The following NSMAF variants were observed in gnomAD, a reference collection of about 807,000 sequenced individuals.
NSMAF encodes protein FAN.
Under a neutral mutation model 134.9 loss-of-function variants are expected in NSMAF, and 90 were observed. The ratio of observed to expected loss-of-function variants is 0.67; its 90% CI spans 0.56 to 0.79. NSMAF has a LOEUF of 0.79. Among genes scored for constraint, NSMAF ranks in the 30% least tolerant of loss-of-function variants. The pLI, the probability that NSMAF is intolerant of heterozygous loss-of-function variation, is 0.00. For missense variants in NSMAF, 1,010 were observed against 1,119.0 expected, an observed-to-expected ratio of 0.90 and a Z score of 1.39; for synonymous variants, 358 against 389.6, an observed-to-expected ratio of 0.92 and a Z score of 0.96.
At chr8:58,654,561 AAAAG>A (rs1204600417) in intron 1 of NSMAF, among the ~76,000 whole-genome samples, 1 of 152,202 alleles carries the variant, frequency 6.6e-6, no homozygotes, top group East Asian at 1.9e-4. Context: ...AAAAAAGAAA[AAAAG>A]AAAGAAAGTT....
intron 6 of NSMAF, among the ~76,000 whole-genome samples, chr8:58,625,493 A>T (rs1806909037): frequency 6.6e-6 from 1 of 152,184 alleles, no homozygotes; most frequent in Admixed American, 6.5e-5. Context: ...ATGCATTTGT[A>T]ATTATTTATC....
At chr8:58,617,842 C>T (rs557961895) in intron 9 of NSMAF, among the ~76,000 whole-genome samples, 82 of 152,310 alleles carry the variant, frequency 5.4e-4, no homozygotes, top group Non-Finnish European at 9.7e-4. Flanking sequence ...AATCATGCTA[C>T]TATAAAGACA....
rs369599718 is a variant in NSMAF at position 58,594,680 on chromosome 8, AATG to A, written c.1893-393_1893-391del. On this transcript the variant is annotated intron_variant, in intron 22 of 30. Transcript: ENST00000038176. The stretch of plus-strand genomic sequence containing the variant: ...AAGCTAATTTACTCAGTGACTATTC[AATG>A]ATGAGAAAATTGGTTCCAGCCTGTC... 92 of 199,034 alleles carry A rather than the reference AATG, an allele frequency of 4.6e-4. No homozygotes were observed. The East Asian group carries it at 0.012, about 25-fold the overall frequency. The allele number at this position is 199,034 out of a possible 1,614,324, so 12.3% of individuals were successfully genotyped here. A position where few individuals can be genotyped will look rare whatever the true frequency, so the allele number is the denominator to read the frequency against.
At chr8:58,600,621 CAAAAAAAAAA>C (rs35209612) in intron 16 of NSMAF, among the ~76,000 whole-genome samples, 40 of 44,694 alleles carry the variant, frequency 8.9e-4, no homozygotes, top group African/African-American at 3.2e-3. Context: ...GACTCTGTCT[CAAAAAAAAAA>C]AAAAAAAAAA....
chr8:58,615,758 T>C (rs1321555698), intron 9 of NSMAF, among the ~76,000 whole-genome samples: 1 of 152,160 alleles, frequency 6.6e-6, no homozygotes, highest in Non-Finnish European at 1.5e-5. Context: ...ACTTTCTTCT[T>C]AGAAAGTTAC....
At chr8:58,624,962 A>G (rs1187067225) in intron 6 of NSMAF, among the ~76,000 whole-genome samples, 1 of 152,176 alleles carries the variant, frequency 6.6e-6, no homozygotes, top group African/African-American at 2.4e-5. Flanking sequence ...GATTAATTTT[A>G]TATGTCAGCT....
chr8:58,609,060 C>T (rs866774726), intron 10 of NSMAF, among the ~76,000 whole-genome samples: 13 of 152,056 alleles, frequency 8.5e-5, no homozygotes, highest in Non-Finnish European at 1.3e-4. Context: ...AGATTGTTTC[C>T]AACATCCTAG....
intron 2 of NSMAF, among the ~76,000 whole-genome samples, chr8:58,641,017 G>T (rs1285642080): frequency 1.3e-5 from 2 of 152,156 alleles, no homozygotes; most frequent in Non-Finnish European, 2.9e-5. Context: ...CGCCTCCCAA[G>T]TTCAAGCAAT....
chr8:58,657,639 C>T (rs1408062802), intron 1 of NSMAF, among the ~76,000 whole-genome samples: 1 of 152,246 alleles, frequency 6.6e-6, no homozygotes, highest in Non-Finnish European at 1.5e-5. Context: ...AGATTCCTGT[C>T]ATTCAAATGC....
At chr8:58,649,154 G>A (rs924984916) in intron 1 of NSMAF, among the ~76,000 whole-genome samples, 1 of 152,232 alleles carries the variant, frequency 6.6e-6, no homozygotes, top group Non-Finnish European at 1.5e-5. Flanking sequence ...TGCTGGCCCT[G>A]GGTGTGGGAC....
intron 9 of NSMAF, among the ~76,000 whole-genome samples, chr8:58,619,565 A>T (rs1585745625): frequency 6.6e-6 from 1 of 152,206 alleles, no homozygotes; most frequent in East Asian, 1.9e-4. Flanking sequence ...TATACAGTTA[A>T]TGGAATTGGT....
At chr8:58,647,453 T>C (rs115146661) in intron 1 of NSMAF, among the ~76,000 whole-genome samples, 126 of 152,252 alleles carry the variant, frequency 8.3e-4, no homozygotes, top group African/African-American at 2.9e-3. Context: ...AGTGATATAG[T>C]TTGGATGTTC....
At position 58,593,592 on chromosome 8, in the gene NSMAF, T is replaced by C. The variant is rs79668053; in HGVS notation, c.1951+640A>G. 2.3e-3 allele frequency among the ~76,000 whole-genome samples: 352 copies of C among 152,268 alleles called. 9 individuals are homozygous for C. The East Asian group carries it at 0.061, about 26-fold the overall frequency. On this transcript the variant is annotated intron_variant, in intron 23 of 30. Transcript: ENST00000038176. The stretch of plus-strand genomic sequence containing the variant: ...TGCATCTTCCAGAGTGCCAACACAG[T>C]GCTCTCAACATGACAAGGCCAAGAC...
chr8:58,648,564 T>A (rs1585765862), intron 1 of NSMAF, among the ~76,000 whole-genome samples: 2 of 152,256 alleles, frequency 1.3e-5, no homozygotes, highest in South Asian at 2.1e-4. Flanking sequence ...GTCCCTCCCA[T>A]CACAGAGGGC....
At chr8:58,654,702 T>C (rs1270065408) in intron 1 of NSMAF, among the ~76,000 whole-genome samples, 2 of 152,216 alleles carry the variant, frequency 1.3e-5, no homozygotes, top group Non-Finnish European at 2.9e-5. Context: ...GATCACTAAT[T>C]TCCATCCTTG....
Position 58,609,509 on chromosome 8 carries a change from C to A in NSMAF, c.687+95G>T, listed in dbSNP as rs1352967868. 5 of 1,302,320 alleles carry A rather than the reference C, an allele frequency of 3.8e-6. No individual in the cohort carries two copies. In the Admixed American group the frequency reaches 9.1e-5, roughly 24 times the overall value. The allele number at this position is 1,302,320 out of a possible 1,614,324, so 80.7% of individuals were successfully genotyped here. ...GGGTGGGCAGGGACATGACTTGATC[C>A]TCATCAAAAAGTGAGGTCCCTGGCA... On this transcript the variant is annotated intron_variant, in intron 10 of 30. Coordinates refer to ENST00000038176, the MANE Select transcript of NSMAF (RefSeq NM_003580.4).
intron 1 of NSMAF, among the ~76,000 whole-genome samples, chr8:58,658,679 T>C (rs1213648387): frequency 6.6e-6 from 1 of 152,198 alleles, no homozygotes; most frequent in Non-Finnish European, 1.5e-5. Context: ...CCTTTCCTTT[T>C]GGCATCTGAG....
At chr8:58,585,627 C>G (rs768380931) in intron 30 of NSMAF, 25 bp downstream of exon 30, 1 of 1,511,844 alleles carries the variant, frequency 6.6e-7, no homozygotes, top group Non-Finnish European at 9.2e-7. Flanking sequence ...GAACAAAGAT[C>G]AAGGCAACTG....
rs184401597 is a variant in NSMAF at position 58,624,222 on chromosome 8, A to G, written c.385-442T>C. Among the ~76,000 whole-genome samples the G allele has an allele frequency of 1.1e-3, 172 of 151,796 alleles. 5 individuals carry two copies. The East Asian group carries it at 0.032, about 28-fold the overall frequency. ...GCACCCGGCTAATTTTTGTATTTTT[A>G]GTAGAGACAGGGCGGGGTTTCACCA... On this transcript the variant is annotated intron_variant, in intron 6 of 30. Transcript: ENST00000038176.
Sources: gnomAD v4.1 joint callset for allele counts (sites outside exome capture counted in the v4.1 genomes callset) on GRCh38, gnomAD v4.1.1 for gene constraint, MANE v1.5 for transcripts, NCBI Gene and HGNC (gene_info 2026-07-23, HGNC 2026-07-21) for gene names.